The following LIM2 variants were observed in gnomAD, a reference collection of about 807,000 sequenced individuals.
LIM2 encodes the protein lens intrinsic membrane protein 2, also known as lens fiber membrane intrinsic protein.
LIM2 carries 14 observed loss-of-function variants against 19.0 expected under a neutral mutation model. The ratio of observed to expected loss-of-function variants is 0.74; its 90% CI spans 0.49 to 1.15. The LOEUF (loss-of-function observed/expected upper bound fraction) is 1.15. Among genes scored for constraint, LIM2 ranks in the 50% most tolerant of loss-of-function variants. LIM2 has a pLI of 0.00. For missense variants in LIM2, 230 were observed against 243.5 expected (o/e 0.94, Z 0.37); for synonymous variants, 78 against 89.6 (o/e 0.87, Z 0.73).
intron 2 of LIM2, among the ~76,000 whole-genome samples, chr19:51,383,181 C>T (rs1007929874): frequency 5.9e-5 from 9 of 151,728 alleles, no homozygotes; most frequent in Non-Finnish European, 7.4e-5. Flanking sequence ...ACTACAGGTG[C>T]GCACCACCAT....
At position 51,380,647 on chromosome 19, in the gene LIM2, G is replaced by A. The variant is rs370621596; in HGVS notation, c.326-8C>T. On this transcript the variant is annotated splice_region_variant and splice_polypyrimidine_tract_variant and intron_variant, in intron 3 of 4. Coordinates refer to ENST00000596399, the MANE Select transcript of LIM2 (RefSeq NM_001161748.2). ...CCAACACGACGAAAAGGGCTGGGGA[G>A]AGAGGGCGGGAGGATGCAGGTGGGA... 4 of 1,613,924 alleles carry A rather than the reference G, an allele frequency of 2.5e-6. No individual in the cohort carries two copies. Among genetic ancestry groups the A allele is most frequent in the Non-Finnish European group, 3.4e-6 (4 of 1,179,990 alleles).
At chr19:51,387,059 T>C (rs1191343262) in intron 2 of LIM2, 1 of 896,266 alleles carries the variant, frequency 1.1e-6, no homozygotes, top group Non-Finnish European at 1.8e-6. Context: ...CTCTCCCAAC[T>C]TAACCTTCAA....
At chr19:51,380,752 A>T in intron 3 of LIM2, 113 bp from the exon 4 acceptor site, 484 of 598,848 alleles carry the variant, frequency 8.1e-4, no homozygotes, top group East Asian at 1.1e-3. Flanking sequence ...AGGGGTGGAA[A>T]TGGGTTGGGG....
rs757069172 is a variant in LIM2 at position 51,382,549 on chromosome 19, C to A, written c.194G>T (p.Arg65Leu). The A allele has an allele frequency of 1.2e-6, 2 of 1,613,650 alleles. No homozygotes were observed. The highest frequency in any genetic ancestry group is 1.7e-6 in the Non-Finnish European group (2 of 1,179,870). ...TDSIAYWNAT[R>L]AFMILSALCA... is the part of the protein sequence containing the mutation. Reference sequence around the variant, plus strand: ...TAGGGCAGACAGGATCATGAAGGCCCGGGTGGCATTCCAGTATGCTGTGGG... The same window carrying A: ...TAGGGCAGACAGGATCATGAAGGCCAGGGTGGCATTCCAGTATGCTGTGGG... The change falls in exon 3 of 5, where the codon CGG becomes CTG. Residue 65 changes from arginine (R) to leucine (L), a missense_variant. Transcript: ENST00000596399.
intron 3 of LIM2, among the ~76,000 whole-genome samples, chr19:51,381,428 C>T (rs1986890388): frequency 6.6e-6 from 1 of 152,214 alleles, no homozygotes; most frequent in African/African-American, 2.4e-5. Flanking sequence ...TGCATTCCAT[C>T]AATGACCAAC....
intron 2 of LIM2, among the ~76,000 whole-genome samples, chr19:51,386,198 A>C (rs1987035575): frequency 1.3e-5 from 2 of 151,124 alleles, no homozygotes; most frequent in South Asian, 4.1e-4. Flanking sequence ...ATCTGGGCCC[A>C]CTGCAGTCTC....
chr19:51,386,487 A>G (rs1057416360), intron 2 of LIM2, among the ~76,000 whole-genome samples: 9 of 148,274 alleles, frequency 6.1e-5, no homozygotes, highest in African/African-American at 2.2e-4. Context: ...TTAATTTATT[A>G]TATAATATAT....
At chr19:51,387,147 G>C in intron 2 of LIM2, 122 bp downstream of exon 2, 2 of 1,588,512 alleles carry the variant, frequency 1.3e-6, no homozygotes, top group Non-Finnish European at 1.7e-6. Flanking sequence ...AGTGACCTTG[G>C]GTTGCTCCCT....
Position 51,380,641 on chromosome 19 carries a change from T to A in LIM2, c.326-2A>T, listed in dbSNP as rs202229482. On this transcript the variant is annotated splice_acceptor_variant, in intron 3 of 4. Coordinates refer to ENST00000596399, the MANE Select transcript of LIM2 (RefSeq NM_001161748.2). LOFTEE classifies it high-confidence loss of function. Reference sequence around the variant, plus strand: ...CCAAGGCCAACACGACGAAAAGGGCTGGGGAGAGAGGGCGGGAGGATGCAG... The same window carrying A: ...CCAAGGCCAACACGACGAAAAGGGCAGGGGAGAGAGGGCGGGAGGATGCAG... The A allele has an allele frequency of 6.2e-7, 1 of 1,612,904 alleles. No individual in the cohort carries two copies. The highest frequency in any genetic ancestry group is 2.2e-5 in the East Asian group (1 of 44,834).
chr19:51,385,219 T>C (rs73560200), intron 2 of LIM2, among the ~76,000 whole-genome samples: 2,550 of 151,666 alleles, frequency 0.017, 76 homozygotes, highest in African/African-American at 0.057. Flanking sequence ...TCTACAAAAA[T>C]CAAATCAAAT....
intron 3 of LIM2, 112 bp downstream of exon 3, chr19:51,382,306 G>GGGGTT (rs1986915192): frequency 8.1e-7 from 1 of 1,235,326 alleles, no homozygotes; most frequent in African/African-American, 1.5e-5. Context: ...AGGGTGGGGT[G>GGGGTT]GGGTTGAGTG....
At chr19:51,382,959 A>G (rs977637168) in intron 2 of LIM2, among the ~76,000 whole-genome samples, 1 of 151,544 alleles carries the variant, frequency 6.6e-6, no homozygotes, top group Non-Finnish European at 1.5e-5. Flanking sequence ...GAATGAATGA[A>G]TGAATGCTGA....
intron 2 of LIM2, among the ~76,000 whole-genome samples, chr19:51,383,134 A>G (rs1037789760): frequency 2.8e-5 from 4 of 144,910 alleles, no homozygotes; most frequent in Non-Finnish European, 6.0e-5. Context: ...TCTGAGGTTC[A>G]AACGATTCTC....
Position 51,380,225 on chromosome 19 carries a change from G to A in LIM2, c.498C>T (p.Cys166=), listed in dbSNP as rs145484032. The A allele has an allele frequency of 3.1e-6, 5 of 1,613,602 alleles. No homozygotes were observed. In the African/African-American group the frequency reaches 6.7e-5, roughly 22 times the overall value. ...FYMCAYRVHE[C]RRLSTPR is the part of the protein sequence containing the mutation. ...CTCAGCGGGGTGTAGACAGGCGCCG[G>A]CATTCATGCACCCGGTAGGCGCACA... is the stretch of plus-strand genomic sequence containing the variant. The change falls in exon 5 of 5, where the codon TGC becomes TGT. Residue 166 remains cysteine (C), a synonymous_variant. Coordinates refer to ENST00000596399, the MANE Select transcript of LIM2 (RefSeq NM_001161748.2).
chr19:51,387,698 G>A (rs891448703), intron 1 of LIM2, among the ~76,000 whole-genome samples: 1 of 152,106 alleles, frequency 6.6e-6, no homozygotes, highest in South Asian at 2.1e-4. Context: ...AAAGGCCGGG[G>A]GCCTGGACTT....
At chr19:51,384,257 C>G (rs561442255) in intron 2 of LIM2, among the ~76,000 whole-genome samples, 18 of 152,084 alleles carry the variant, frequency 1.2e-4, no homozygotes, top group Middle Eastern at 3.4e-3. Context: ...ATGGAGAAAC[C>G]CTGTCTCTAC....
chr19:51,387,867 A>C, intron 1 of LIM2, 52 bp downstream of exon 1: 1 of 211,498 alleles, frequency 4.7e-6, no homozygotes, highest in Non-Finnish European at 9.7e-6. Context: ...GGGACCCTAG[A>C]CTCCTGGGAC....
intron 3 of LIM2, 74 bp from the exon 4 acceptor site, chr19:51,380,713 T>C (rs999456647): frequency 7.7e-6 from 12 of 1,557,308 alleles, no homozygotes; most frequent in Non-Finnish European, 9.6e-6. Flanking sequence ...AGAGAGCTGA[T>C]GATGGGGGTG....
chr19:51,387,126 C>G (rs144483179), intron 2 of LIM2, 143 bp downstream of exon 2: 7 of 1,494,054 alleles, frequency 4.7e-6, no homozygotes, highest in Admixed American at 1.7e-5. Flanking sequence ...AGTTCTGCCC[C>G]CTCCATGCTG....
Sources: allele counts gnomAD v4.1 joint callset (sites outside exome capture counted in the v4.1 genomes callset), GRCh38; gene constraint gnomAD v4.1.1; transcripts MANE v1.5; gene names NCBI Gene and HGNC (gene_info 2026-07-23, HGNC 2026-07-21).